Variants in NEO1 observed in about 807,000 individuals in gnomAD.
NEO1 encodes the protein neogenin 1.
A neutral mutation model predicts 159.7 loss-of-function variants in NEO1; 63 were observed. The ratio of observed to expected loss-of-function variants is 0.39; its 90% CI spans 0.32 to 0.49. The LOEUF is 0.49. Among genes scored for constraint, NEO1 ranks in the 20% least tolerant of loss-of-function variants. The pLI is 0.85. For missense variants in NEO1, 1,615 were observed against 1,831.0 expected (o/e 0.88, Z 2.15); for synonymous variants, 633 against 662.0 (o/e 0.96, Z 0.67).
At chr15:73,053,825 A>G (rs1482036291) in intron 1 of NEO1, among the ~76,000 whole-genome samples, 2 of 152,210 alleles carry the variant, frequency 1.3e-5, no homozygotes, top group African/African-American at 4.8e-5. Flanking sequence ...GTGAGATATG[A>G]TATTTTTACA....
intron 7 of NEO1, among the ~76,000 whole-genome samples, chr15:73,200,383 C>T (rs180863135): frequency 6.6e-6 from 1 of 151,366 alleles, no homozygotes; most frequent in East Asian, 2.0e-4. Context: ...GAGTTTAAGA[C>T]CAGCCTGGGC....
At chr15:73,140,202 G>A (rs1474023082) in intron 5 of NEO1, among the ~76,000 whole-genome samples, 1 of 152,172 alleles carries the variant, frequency 6.6e-6, no homozygotes, top group Non-Finnish European at 1.5e-5. Flanking sequence ...CTAATGTACT[G>A]TTGACAGGAG....
At chr15:73,171,168 A>G (rs1361549578) in intron 5 of NEO1, among the ~76,000 whole-genome samples, 1 of 152,178 alleles carries the variant, frequency 6.6e-6, no homozygotes, top group Non-Finnish European at 1.5e-5. Context: ...TTTCAAACAA[A>G]AGATAAAGAG....
intron 1 of NEO1, among the ~76,000 whole-genome samples, chr15:73,060,667 A>T (rs1039415486): frequency 3.9e-5 from 6 of 151,974 alleles, no homozygotes; most frequent in African/African-American, 1.5e-4. Flanking sequence ...ATTTATTTTG[A>T]GATGGGCTCT....
intron 2 of NEO1, among the ~76,000 whole-genome samples, chr15:73,119,437 C>A (rs146744675): frequency 6.6e-6 from 1 of 152,274 alleles, no homozygotes; most frequent in East Asian, 1.9e-4. Flanking sequence ...TATGAGAGGT[C>A]TTTTTCTCTG....
chr15:73,074,785 C>T (rs1050439243), intron 1 of NEO1, among the ~76,000 whole-genome samples: 1 of 152,120 alleles, frequency 6.6e-6, no homozygotes, highest in Non-Finnish European at 1.5e-5. Context: ...TCCTTCCTCT[C>T]CTTGACACTG....
At chr15:73,274,394 C>T (rs575352144) in intron 20 of NEO1, among the ~76,000 whole-genome samples, 1 of 152,004 alleles carries the variant, frequency 6.6e-6, no homozygotes, top group Non-Finnish European at 1.5e-5. Flanking sequence ...TATTTGTGGA[C>T]GTTACAGAGA....
intron 1 of NEO1, among the ~76,000 whole-genome samples, chr15:73,060,452 A>G (rs559482179): frequency 6.6e-6 from 1 of 151,930 alleles, no homozygotes; most frequent in South Asian, 2.1e-4. Flanking sequence ...CTTTTAGTAG[A>G]AACAGGGTTT....
chr15:73,154,526 C>T (rs773588385), intron 5 of NEO1, among the ~76,000 whole-genome samples: 2 of 152,190 alleles, frequency 1.3e-5, no homozygotes, highest in Non-Finnish European at 2.9e-5. Flanking sequence ...CATCATTCTA[C>T]TCTCTATCTC....
chr15:73,210,608 G>A (rs929982972), intron 7 of NEO1, among the ~76,000 whole-genome samples: 7 of 152,204 alleles, frequency 4.6e-5, no homozygotes, highest in African/African-American at 1.7e-4. Context: ...AATAATTTAG[G>A]ATTTATTTGG....
chr15:73,221,709 CTG>C (rs1210128956), intron 7 of NEO1: 1 of 154,264 alleles, frequency 6.5e-6, no homozygotes, highest in African/African-American at 2.4e-5. Flanking sequence ...CGGCGAGACT[CTG>C]TGGGCGTGGG....
chr15:73,064,545 A>G (rs2068116780), intron 1 of NEO1, among the ~76,000 whole-genome samples: 1 of 152,102 alleles, frequency 6.6e-6, no homozygotes, highest in Admixed American at 6.5e-5. Context: ...GCTCACTGTA[A>G]TCTCTGCCTC....
chr15:73,089,938 G>A (rs1341421851), intron 1 of NEO1, among the ~76,000 whole-genome samples: 1 of 152,084 alleles, frequency 6.6e-6, no homozygotes, highest in Admixed American at 6.5e-5. Flanking sequence ...ATGACCATAT[G>A]TCTAAATTTG....
chr15:73,053,089 C>T (rs563574673), intron 1 of NEO1, among the ~76,000 whole-genome samples: 1 of 152,100 alleles, frequency 6.6e-6, no homozygotes. Context: ...TCTCTCCCCT[C>T]CCCCAGGCTC....
rs764751898 is a variant in NEO1, at chr15:73,270,241, C to A, written c.2718+8C>A. The A allele has an allele frequency of 1.2e-6, 2 of 1,613,848 alleles. No individual in the cohort carries two copies. The highest frequency in any genetic ancestry group is 2.2e-5 in the South Asian group (2 of 91,084). ...GCAAACACCAAGTACAAGGTACTGA[C>A]ACATTTGCCCTGGCTGAAAAAAGCT... On this transcript the variant is annotated splice_region_variant and intron_variant, in intron 17 of 28. Coordinates refer to ENST00000261908, the MANE Select transcript of NEO1 (RefSeq NM_002499.4).
chr15:73,193,447 G>A (rs796871156), intron 7 of NEO1, among the ~76,000 whole-genome samples: 4 of 151,742 alleles, frequency 2.6e-5, no homozygotes, highest in African/African-American at 9.7e-5. Flanking sequence ...TATCACTTTA[G>A]CAAGTTTAAT....
intron 5 of NEO1, among the ~76,000 whole-genome samples, chr15:73,137,228 A>G (rs952575974): frequency 6.6e-6 from 1 of 152,200 alleles, no homozygotes; most frequent in Non-Finnish European, 1.5e-5. Flanking sequence ...AATGTATGCT[A>G]TCTCATAGAT....
rs1467391628 is a variant in NEO1 at position 73,134,218 on chromosome 15, T to C, written c.879-1673T>C. Among the ~76,000 whole-genome samples the C allele has an allele frequency of 2.0e-5, 3 of 152,240 alleles. No homozygotes were observed. In the East Asian group the frequency reaches 5.8e-4, roughly 29 times the overall value. ...CCCAGTCATTCCTGCTCTATTCCAT[T>C]ATATAATATCTTACTTCTGTGTTTC... On this transcript the variant is annotated intron_variant, in intron 4 of 28. Transcript: ENST00000261908.
chr15:73,139,838 G>A (rs2032204875), intron 5 of NEO1, among the ~76,000 whole-genome samples: 1 of 152,188 alleles, frequency 6.6e-6, no homozygotes, highest in Admixed American at 6.5e-5. Context: ...CTACACAGGA[G>A]TTGAGTAGTT....
Sources: gnomAD v4.1 joint callset for allele counts (sites outside exome capture counted in the v4.1 genomes callset) on GRCh38, gnomAD v4.1.1 for gene constraint, MANE v1.5 for transcripts, NCBI Gene and HGNC (gene_info 2026-07-23, HGNC 2026-07-21) for gene names.